RBFOX1: variants seen among roughly 807,000 people sequenced by gnomAD.
RBFOX1 encodes the protein RNA binding protein fox-1 homolog 1.
In RBFOX1, 8 loss-of-function variants were observed where a neutral mutation model predicts 57.7. That is an observed-to-expected ratio of 0.14 (90% CI 0.08 to 0.25). The LOEUF (loss-of-function observed/expected upper bound fraction) is 0.25, where lower values mean the gene tolerates loss of function less well. Among genes scored for constraint, RBFOX1 ranks in the 10% least tolerant of loss-of-function variants. RBFOX1 has a pLI of 1.00. For synonymous variants in RBFOX1, 326 were observed against 222.4 expected, an observed-to-expected ratio of 1.47 and a Z score of -4.15; for missense variants, 611 against 548.5, an observed-to-expected ratio of 1.11 and a Z score of -1.14.
intron 4 of RBFOX1, among the ~76,000 whole-genome samples, chr16:7,300,222 C>T (rs1019149940): frequency 1.3e-5 from 2 of 151,984 alleles, no homozygotes; most frequent in Non-Finnish European, 2.9e-5. Context: ...GCTGCCCCTC[C>T]CCCACCCACT....
chr16:5,908,891 A>T (rs1258357857), intron 4 of RBFOX1, among the ~76,000 whole-genome samples: 2 of 151,808 alleles, frequency 1.3e-5, no homozygotes, highest in Non-Finnish European at 2.9e-5. Context: ...GGTCACAGAG[A>T]GCTCCTCTCT....
chr16:6,769,591 C>T (rs112318685), intron 3 of RBFOX1, among the ~76,000 whole-genome samples: 3,568 of 152,264 alleles, frequency 0.023, 131 homozygotes, highest in African/African-American at 0.08. Flanking sequence ...AGCTTCATTG[C>T]GCATAAGCAA....
chr16:6,058,467 C>T (rs1480662797), intron 1 of RBFOX1, among the ~76,000 whole-genome samples: 1 of 152,166 alleles, frequency 6.6e-6, no homozygotes, highest in Non-Finnish European at 1.5e-5. Context: ...TTTAAAGATA[C>T]ATCTTTATAA....
rs191307418 is a variant in RBFOX1, at chr16:7,709,479, T to C, written c.1071+348T>C. ...TTTTCTTTTTTTTTCCCTCCCTTGC[T>C]GCTCATTCACATAGCCCCAAGGTTC... On this transcript the variant is annotated intron_variant, in intron 15 of 15. Transcript: ENST00000550418. The C allele has an allele frequency of 1.3e-3, 1,849 of 1,461,020 alleles. 14 individuals are homozygous for C. In the African/African-American group the frequency reaches 0.016, roughly 12 times the overall value. The allele number at this position is 1,461,020 out of a possible 1,614,324, so 90.5% of individuals were successfully genotyped here. A position where few individuals can be genotyped will look rare whatever the true frequency, so the allele number is the denominator to read the frequency against.
chr16:5,503,407 C>T (rs1597328456), intron 2 of RBFOX1, among the ~76,000 whole-genome samples: 1 of 152,204 alleles, frequency 6.6e-6, no homozygotes, highest in Non-Finnish European at 1.5e-5. Context: ...TCATCAATTT[C>T]AAGTGTACAA....
At chr16:5,330,095 A>G (rs1046686036) in intron 1 of RBFOX1, among the ~76,000 whole-genome samples, 1 of 152,176 alleles carries the variant, frequency 6.6e-6, no homozygotes, top group Admixed American at 6.5e-5. Flanking sequence ...TTGGAAGGAC[A>G]TTGATCTCAT....
intron 4 of RBFOX1, among the ~76,000 whole-genome samples, chr16:7,107,914 G>T (rs369706109): frequency 6.6e-6 from 1 of 151,622 alleles, no homozygotes; most frequent in South Asian, 2.1e-4. Flanking sequence ...GGATTTTTCT[G>T]ACTTGAAAAA....
At chr16:7,183,692 G>C (rs980219536) in intron 4 of RBFOX1, among the ~76,000 whole-genome samples, 4 of 152,152 alleles carry the variant, frequency 2.6e-5, no homozygotes, top group African/African-American at 7.2e-5. Context: ...CAGAAATTTA[G>C]GAAGAGTTGA....
chr16:5,663,363 C>T (rs559145879), intron 3 of RBFOX1, among the ~76,000 whole-genome samples: 106 of 151,974 alleles, frequency 7.0e-4, no homozygotes, highest in Middle Eastern at 6.8e-3. Context: ...TGCCACCATG[C>T]CCAGCTAATT....
chr16:6,311,805 G>A (rs1056150455), intron 1 of RBFOX1, among the ~76,000 whole-genome samples: 5 of 152,108 alleles, frequency 3.3e-5, no homozygotes, highest in Non-Finnish European at 7.3e-5. Flanking sequence ...ATCTAAGGTG[G>A]CTTCAGTGCA....
chr16:7,356,580 G>C (rs1339532065), intron 4 of RBFOX1, among the ~76,000 whole-genome samples: 2 of 152,184 alleles, frequency 1.3e-5, no homozygotes, highest in Admixed American at 1.3e-4. Context: ...AATGAGTTTG[G>C]ATTTTTATAG....
chr16:6,559,066 T>C (rs2153901837), intron 2 of RBFOX1, among the ~76,000 whole-genome samples: 1 of 152,322 alleles, frequency 6.6e-6, no homozygotes, highest in Non-Finnish European at 1.5e-5. Context: ...TGTCTGTATT[T>C]GGTCTCATAG....
rs1397211013 is a variant in RBFOX1 at position 7,029,057 on chromosome 16, T to TATATATAC, written c.-15-22993_-15-22992insCATATATA. Among the ~76,000 whole-genome samples the TATATATAC allele has an allele frequency of 1.8e-3, 39 of 21,572 alleles. 3 individuals carry two copies. Among genetic ancestry groups the TATATATAC allele is most frequent in the Admixed American group, 3.8e-3 (6 of 1,586 alleles). 14.2% of individuals were successfully genotyped at this position (21,572 alleles called of 152,430 possible). A position where few individuals can be genotyped will look rare whatever the true frequency, so the allele number is the denominator to read the frequency against. On this transcript the variant is annotated intron_variant, in intron 3 of 15. Transcript: ENST00000550418. ...CAGAAAAAAAAAAGCTATATATATA[T>TATATATAC]ATATATATATATATATATATATATA...
intron 4 of RBFOX1, among the ~76,000 whole-genome samples, chr16:5,997,204 T>C (rs1256469075): frequency 6.6e-6 from 1 of 152,172 alleles, no homozygotes; most frequent in Non-Finnish European, 1.5e-5. Flanking sequence ...AGGAAGCCCA[T>C]AGCTGTTGTT....
intron 3 of RBFOX1, among the ~76,000 whole-genome samples, chr16:5,650,187 CGA>C (rs2049188600): frequency 6.6e-6 from 1 of 152,178 alleles, no homozygotes; most frequent in South Asian, 2.1e-4. Context: ...AGTCGTAAGA[CGA>C]GGCTCTCAAT....
At chr16:5,338,604 C>G (rs1032802083) in intron 1 of RBFOX1, among the ~76,000 whole-genome samples, 19 of 152,172 alleles carry the variant, frequency 1.2e-4, no homozygotes, top group African/African-American at 4.3e-4. Context: ...GATGCATAGA[C>G]TAGCCAATTT....
chr16:6,853,153 C>G (rs922268552), intron 3 of RBFOX1, among the ~76,000 whole-genome samples: 2 of 152,178 alleles, frequency 1.3e-5, no homozygotes. Flanking sequence ...CTTAACTTCT[C>G]TGAGCCTGAG....
In RBFOX1 at chr16:6,543,654, A is replaced by G. The variant is rs1230970407; in HGVS notation, c.-63-110949A>G. ...GTCTGGAAGATTTTTGCCTGGTTGG[A>G]AAGAGGCACCTTGGCAGGGGAGGAG... On this transcript the variant is annotated intron_variant, in intron 2 of 15. Transcript: ENST00000550418. 4.6e-5 allele frequency among the ~76,000 whole-genome samples: 7 copies of G among 152,100 alleles called. No individual in the cohort carries two copies. The East Asian group carries it at 1.4e-3, about 29-fold the overall frequency.
intron 4 of RBFOX1, among the ~76,000 whole-genome samples, chr16:7,121,135 C>G (rs1163179333): frequency 6.6e-6 from 1 of 151,982 alleles, no homozygotes; most frequent in Non-Finnish European, 1.5e-5. Context: ...AGGATGTCAA[C>G]AAACAACCCC....
Sources: gnomAD v4.1 joint callset for allele counts (sites outside exome capture counted in the v4.1 genomes callset) on GRCh38, gnomAD v4.1.1 for gene constraint, MANE v1.5 for transcripts, NCBI Gene and HGNC (gene_info 2026-07-23, HGNC 2026-07-21) for gene names.